The following NFATC2 variants were observed in gnomAD, a reference collection of about 807,000 sequenced individuals.
NFATC2 encodes nuclear factor of activated T cells 2, also known as nuclear factor of activated T-cells, cytoplasmic 2.
Under a neutral mutation model 87.3 loss-of-function variants are expected in NFATC2, and 22 were observed. The observed-to-expected ratio is 0.25, with a 90% CI of 0.18 to 0.36. The LOEUF is 0.36. Ranked by LOEUF, NFATC2 falls within the 10% of genes least tolerant of loss-of-function variation. The pLI, the probability that NFATC2 is intolerant of heterozygous loss-of-function variation, is 1.00. For synonymous variants in NFATC2, 565 were observed against 542.2 expected, an observed-to-expected ratio of 1.04 and a Z score of -0.58; for missense variants, 1,149 against 1,259.1, an observed-to-expected ratio of 0.91 and a Z score of 1.32.
chr20:51,428,480 T>C (rs6067769), intron 9 of NFATC2, among the ~76,000 whole-genome samples: 28,111 of 152,168 alleles, frequency 0.18, 3,578 homozygotes, highest in East Asian at 0.36. Context: ...AGCGCCTTGG[T>C]GTTCCAAGAA....
At chr20:51,493,540 T>A (rs1207078256) in intron 3 of NFATC2, among the ~76,000 whole-genome samples, 1 of 152,170 alleles carries the variant, frequency 6.6e-6, no homozygotes, top group African/African-American at 2.4e-5. Flanking sequence ...AAGCCTCTCA[T>A]TACTTGAGCA....
chr20:51,514,574 C>T (rs1469932770), intron 3 of NFATC2, among the ~76,000 whole-genome samples: 4 of 152,152 alleles, frequency 2.6e-5, no homozygotes, highest in Non-Finnish European at 5.9e-5. Context: ...GCTGTGGACA[C>T]ATAAAACAGA....
rs2076476417 is a variant in NFATC2, at chr20:51,523,125, C to T, written c.1116G>A (p.Pro372=). The T allele has an allele frequency of 3.1e-6, 5 of 1,614,216 alleles. No individual in the cohort carries two copies. The highest frequency in any genetic ancestry group is 1.7e-4 in the Middle Eastern group (1 of 6,060). ...NSAPESILLV[P]PTWPKPLVPA... is the part of the protein sequence containing the mutation. The stretch of plus-strand genomic sequence containing the variant: ...GCACCAGCGGCTTGGGCCAAGTGGG[C>T]GGAACCAGCAGGATGGATTCTGGAG... The change falls in exon 2 of 11, where the codon CCG becomes CCA. Residue 372 remains proline (P), a synonymous_variant. Coordinates refer to ENST00000371564, the MANE Select transcript of NFATC2 (RefSeq NM_012340.5). The surrounding 1 kb of genome is among the most constrained non-coding windows in gnomAD (Gnocchi z 6.9).
At chr20:51,487,976 AC>A (rs943789995) in intron 3 of NFATC2, among the ~76,000 whole-genome samples, 10 of 152,124 alleles carry the variant, frequency 6.6e-5, no homozygotes, top group African/African-American at 2.4e-4. Context: ...TCTGTCGGTG[AC>A]CTGGGGAGAG....
chr20:51,483,859 G>A (rs1003402411), intron 3 of NFATC2, among the ~76,000 whole-genome samples: 1 of 151,832 alleles, frequency 6.6e-6, no homozygotes, highest in Non-Finnish European at 1.5e-5. Context: ...CTAGTGCCCT[G>A]GTCAAAGAGG....
At position 51,542,099 on chromosome 20, in the gene NFATC2, T is replaced by C. The variant is rs539648712; in HGVS notation, c.130+271A>G. 1.7e-3 allele frequency among the ~76,000 whole-genome samples: 256 copies of C among 152,302 alleles called. 2 individuals are homozygous for C. The highest frequency in any genetic ancestry group is 6.0e-3 in the African/African-American group (249 of 41,574). ...CCGCCCCCCAGCCTTGGGACCTGCCTGCCACCTTTTGTTTTGCTGAGAGTG... is the reference window on the plus strand; with the variant it reads ...CCGCCCCCCAGCCTTGGGACCTGCCCGCCACCTTTTGTTTTGCTGAGAGTG... On this transcript the variant is annotated intron_variant, in intron 1 of 10. Coordinates refer to ENST00000371564, the MANE Select transcript of NFATC2 (RefSeq NM_012340.5).
intron 10 of NFATC2, among the ~76,000 whole-genome samples, chr20:51,398,432 C>T (rs1335641570): frequency 6.6e-6 from 1 of 152,058 alleles, no homozygotes; most frequent in Non-Finnish European, 1.5e-5. Context: ...GCCTCATCCC[C>T]CCTTCTCCCG....
intron 4 of NFATC2, 76 bp from the exon 5 acceptor site, chr20:51,474,228 C>A (rs536411717): frequency 2.6e-6 from 4 of 1,549,682 alleles, no homozygotes; most frequent in South Asian, 1.2e-5. Flanking sequence ...AGCTGCCAGT[C>A]TACAGCCAGT....
intron 10 of NFATC2, among the ~76,000 whole-genome samples, chr20:51,396,685 G>A (rs1169356153): frequency 6.6e-6 from 1 of 152,126 alleles, no homozygotes; most frequent in African/African-American, 2.4e-5. Flanking sequence ...GCCAAGAGGG[G>A]GCCCAAGGCA....
intron 9 of NFATC2, among the ~76,000 whole-genome samples, chr20:51,425,753 A>T (rs1981717210): frequency 1.3e-5 from 2 of 152,112 alleles, no homozygotes; most frequent in Admixed American, 1.3e-4. Context: ...TGAGCTTTGG[A>T]GGGTGGGTCT....
intron 6 of NFATC2, among the ~76,000 whole-genome samples, chr20:51,454,239 A>G (rs1231645283): frequency 2.0e-5 from 3 of 152,184 alleles, no homozygotes; most frequent in African/African-American, 7.2e-5. Context: ...TCCCTTCTTG[A>G]TAATAGCAAA....
At chr20:51,458,900 T>C (rs1340481143) in intron 5 of NFATC2, among the ~76,000 whole-genome samples, 2 of 152,150 alleles carry the variant, frequency 1.3e-5, no homozygotes, top group African/African-American at 2.4e-5. Flanking sequence ...TACAGGGCCC[T>C]GGGAGCTGCA....
In NFATC2 at chr20:51,417,354, C is replaced by T. The variant is rs183350808; in HGVS notation, c.2722+14713G>A. 3.1e-3 allele frequency among the ~76,000 whole-genome samples: 467 copies of T among 152,294 alleles called. 2 individuals are homozygous for T. Among genetic ancestry groups the T allele is most frequent in the African/African-American group, 0.011 (451 of 41,562 alleles). ...AATCCATAGCTCTCAACCCGCGAGG[C>T]CTGTCCCCTCCATGCTCCCTTTCCA... On this transcript the variant is annotated intron_variant, in intron 9 of 10. Coordinates refer to ENST00000371564, the MANE Select transcript of NFATC2 (RefSeq NM_012340.5).
chr20:51,492,944 T>C (rs1441368759), intron 3 of NFATC2, among the ~76,000 whole-genome samples: 4 of 152,268 alleles, frequency 2.6e-5, no homozygotes, highest in Non-Finnish European at 5.9e-5. Context: ...AGCGTCAGCA[T>C]TGGAGTTTGC....
chr20:51,449,188 G>A (rs991564087), intron 6 of NFATC2, among the ~76,000 whole-genome samples: 4 of 152,176 alleles, frequency 2.6e-5, no homozygotes, highest in South Asian at 2.1e-4. Flanking sequence ...GCCCCGCCCC[G>A]CAGAGCCCTT....
At chr20:51,529,090 C>T (rs1331522015) in intron 1 of NFATC2, among the ~76,000 whole-genome samples, 3 of 152,072 alleles carry the variant, frequency 2.0e-5, no homozygotes, top group Non-Finnish European at 2.9e-5. Context: ...AACCCATGGC[C>T]GACAACATTC....
intron 10 of NFATC2, among the ~76,000 whole-genome samples, chr20:51,397,630 G>A (rs1409613730): frequency 1.3e-5 from 2 of 152,088 alleles, no homozygotes; most frequent in East Asian, 1.9e-4. Context: ...CCCAGGAGCC[G>A]ATTCCTCAGA....
At chr20:51,429,403 G>A (rs1455900300) in intron 9 of NFATC2, among the ~76,000 whole-genome samples, 1 of 152,226 alleles carries the variant, frequency 6.6e-6, no homozygotes, top group Non-Finnish European at 1.5e-5. Context: ...CCATTCCACT[G>A]CCCCATCCAG....
At chr20:51,405,412 C>T (rs541164560) in intron 9 of NFATC2, among the ~76,000 whole-genome samples, 2 of 128,394 alleles carry the variant, frequency 1.6e-5, no homozygotes, top group South Asian at 6.1e-4. Flanking sequence ...TGTGGGTGTG[C>T]AGGCGCCATG....
Sources: gnomAD v4.1 joint callset for allele counts (sites outside exome capture counted in the v4.1 genomes callset) on GRCh38, gnomAD v4.1.1 for gene constraint, Gnocchi (gnomAD v3.1) non-coding constraint, MANE v1.5 for transcripts, NCBI Gene and HGNC (gene_info 2026-07-23, HGNC 2026-07-21) for gene names.